Variants in MIA2 observed in about 807,000 individuals in gnomAD.
MIA2 encodes the protein MIA SH3 domain ER export factor 2, also known as melanoma inhibitory activity protein 2.
A neutral mutation model predicts 167.8 loss-of-function variants in MIA2; 127 were observed. That is an observed-to-expected ratio of 0.76 (90% confidence interval 0.66 to 0.88). The LOEUF is 0.88. MIA2 is among the 40% of genes least tolerant of loss of function. MIA2 has a pLI of 0.00. For synonymous variants in MIA2, 552 were observed against 541.9 expected (o/e 1.02, Z -0.26); for missense variants, 1,690 against 1,624.7 (o/e 1.04, Z -0.69).
intron 23 of MIA2, chr14:39,386,591 G>T: frequency 1.9e-6 from 2 of 1,062,156 alleles, no homozygotes; most frequent in Non-Finnish European, 2.8e-6. Flanking sequence ...CTGTGCCACA[G>T]TGGGCTTTCT....
At chr14:39,383,637 C>T (rs1469190467) in intron 23 of MIA2, among the ~76,000 whole-genome samples, 1 of 152,158 alleles carries the variant, frequency 6.6e-6, no homozygotes, top group Non-Finnish European at 1.5e-5. Flanking sequence ...TGCCAAACAG[C>T]CAAGTTGTGA....
chr14:39,369,770 T>C (rs2074897536), intron 23 of MIA2, among the ~76,000 whole-genome samples: 1 of 152,238 alleles, frequency 6.6e-6, no homozygotes, highest in African/African-American at 2.4e-5. Flanking sequence ...TGTTAATTGT[T>C]ACCACCTTCT....
At position 39,335,224 on chromosome 14, in the gene MIA2, T is replaced by C. The variant is rs372333419; in HGVS notation, c.3655+8202T>C. Among the ~76,000 whole-genome samples the C allele has an allele frequency of 4.9e-4, 75 of 152,322 alleles. No individual in the cohort carries two copies. The East Asian group carries it at 0.014, about 28-fold the overall frequency. ...CACTAATAATTGTCTTTAAGATTTT[T>C]CTTAAATTTTAAAATATTTTAGTTT... On this transcript the variant is annotated intron_variant, in intron 25 of 28. Coordinates refer to ENST00000640607, the MANE Select transcript of MIA2 (RefSeq NM_001329214.4).
intron 23 of MIA2, among the ~76,000 whole-genome samples, chr14:39,363,320 A>G (rs917378428): frequency 6.6e-6 from 1 of 152,222 alleles, no homozygotes; most frequent in Non-Finnish European, 1.5e-5. Flanking sequence ...TCTTGAGACC[A>G]GGATTTCGAG....
chr14:39,334,272 C>A (rs562024592), intron 25 of MIA2, among the ~76,000 whole-genome samples: 1 of 152,098 alleles, frequency 6.6e-6, no homozygotes, highest in East Asian at 1.9e-4. Flanking sequence ...GCCAGGAGTT[C>A]AAGACCAGCC....
intron 6 of MIA2, among the ~76,000 whole-genome samples, chr14:39,268,745 T>C (rs1040074655): frequency 6.6e-5 from 10 of 152,038 alleles, no homozygotes; most frequent in African/African-American, 2.2e-4. Flanking sequence ...AAGGGAGAGG[T>C]GACAGTAGTA....
intron 7 of MIA2, among the ~76,000 whole-genome samples, chr14:39,279,116 G>A (rs889875770): frequency 2.1e-5 from 3 of 144,044 alleles, no homozygotes; most frequent in African/African-American, 5.2e-5. Flanking sequence ...AGCTGAGATC[G>A]CGTCATTGCA....
chr14:39,298,245 A>G (rs1039598700), intron 13 of MIA2, among the ~76,000 whole-genome samples: 5 of 151,598 alleles, frequency 3.3e-5, no homozygotes, highest in Non-Finnish European at 7.4e-5. Flanking sequence ...TCTTGAAACA[A>G]ACTGTATTCA....
chr14:39,376,886 A>G (rs2075055766), intron 23 of MIA2, among the ~76,000 whole-genome samples: 1 of 152,226 alleles, frequency 6.6e-6, no homozygotes, highest in Non-Finnish European at 1.5e-5. Context: ...TACACAAGAT[A>G]AGGTGATAGA....
chr14:39,273,484 C>T (rs1292586901), intron 6 of MIA2, among the ~76,000 whole-genome samples: 1 of 152,104 alleles, frequency 6.6e-6, no homozygotes, highest in Admixed American at 6.6e-5. Context: ...TTCTGAGTAG[C>T]TGGGACCACA....
chr14:39,289,505 G>A (rs538813464), intron 9 of MIA2, among the ~76,000 whole-genome samples: 22 of 152,152 alleles, frequency 1.4e-4, no homozygotes, highest in Admixed American at 7.2e-4. Flanking sequence ...GAGCCACTGC[G>A]CCCATCCAAG....
intron 17 of MIA2, among the ~76,000 whole-genome samples, chr14:39,307,717 A>G (rs1439259596): frequency 6.6e-6 from 1 of 152,074 alleles, no homozygotes. Context: ...AAAACAATTT[A>G]TATAGCTCCT....
intron 24 of MIA2, among the ~76,000 whole-genome samples, chr14:39,325,189 A>C (rs544499164): frequency 6.6e-6 from 1 of 151,792 alleles, no homozygotes; most frequent in African/African-American, 2.4e-5. Context: ...GCACCACTGC[A>C]CTCCAGTCTG....
intron 7 of MIA2, among the ~76,000 whole-genome samples, chr14:39,277,756 A>ATATATATATATGTGTG (rs2058348095): frequency 9.3e-5 from 2 of 21,590 alleles, no homozygotes; most frequent in Admixed American, 7.5e-4. Flanking sequence ...GTGTATATAT[A>ATATATATATATGTGTG]TATATATATA....
chr14:39,276,773 T>C, intron 6 of MIA2, 161 bp from the exon 7 acceptor site: 2 of 648,534 alleles, frequency 3.1e-6, no homozygotes, highest in East Asian at 2.9e-5. Flanking sequence ...TACTTGGCGA[T>C]AGTGATTGAA....
chr14:39,273,235 CTTTT>C (rs35613060), intron 6 of MIA2, among the ~76,000 whole-genome samples: 2 of 132,148 alleles, frequency 1.5e-5, no homozygotes, highest in Non-Finnish European at 3.2e-5. Flanking sequence ...AGGAGAAAAG[CTTTT>C]TTTTTTTTTT....
intron 1 of MIA2, among the ~76,000 whole-genome samples, chr14:39,236,369 G>A (rs1447221756): frequency 6.6e-6 from 1 of 152,102 alleles, no homozygotes; most frequent in Non-Finnish European, 1.5e-5. Flanking sequence ...GAATAAGGAA[G>A]AGGATTTTGC....
chr14:39,330,337 C>A (rs998539424), intron 25 of MIA2, among the ~76,000 whole-genome samples: 3 of 152,040 alleles, frequency 2.0e-5, no homozygotes, highest in Non-Finnish European at 4.4e-5. Flanking sequence ...TTTTTCCTTG[C>A]ATCTATTTGA....
intron 18 of MIA2, 82 bp downstream of exon 18, chr14:39,308,669 T>G (rs1388053320): frequency 4.5e-6 from 5 of 1,103,678 alleles, no homozygotes; most frequent in East Asian, 5.7e-5. Context: ...CTATAGTGAT[T>G]ATTGAAAGTT....
Sources: allele counts gnomAD v4.1 joint callset (sites outside exome capture counted in the v4.1 genomes callset), GRCh38; gene constraint gnomAD v4.1.1; transcripts MANE v1.5; gene names NCBI Gene and HGNC (gene_info 2026-07-23, HGNC 2026-07-21).